The following GGA1 variants were observed in gnomAD, a reference collection of about 807,000 sequenced individuals.
GGA1 encodes the protein ADP-ribosylation factor-binding protein GGA1.
Under a neutral mutation model 76.9 loss-of-function variants are expected in GGA1, and 18 were observed. That is an observed-to-expected ratio of 0.23 (90% CI 0.16 to 0.35). The LOEUF is 0.35. Among genes scored for constraint, GGA1 ranks in the 10% least tolerant of loss-of-function variants. The pLI is 1.00. For synonymous variants in GGA1, 342 were observed against 354.7 expected, an observed-to-expected ratio of 0.96 and a Z score of 0.40; for missense variants, 755 against 859.0, an observed-to-expected ratio of 0.88 and a Z score of 1.51.
chr22:37,621,564 T>C lies in GGA1; in HGVS notation c.529-52T>C, dbSNP rs1929892548. 9 of 1,214,880 alleles carry C rather than the reference T, an allele frequency of 7.4e-6. No homozygotes were observed. In the South Asian group the frequency reaches 1.0e-4, roughly 14 times the overall value. The allele number at this position is 1,214,880 out of a possible 1,614,324, so 75.3% of individuals were successfully genotyped here. A position where few individuals can be genotyped will look rare whatever the true frequency, so the allele number is the denominator to read the frequency against. ...GAGCCATCATGTGACTCCAGTCTTC[T>C]GACCCCTGGCCCAGGTGCTGCCCTC... On this transcript the variant is annotated intron_variant, in intron 6 of 16. Transcript: ENST00000343632.
chr22:37,613,265 C>T (rs1469518405), intron 1 of GGA1: 3 of 669,886 alleles, frequency 4.5e-6, no homozygotes, highest in South Asian at 1.3e-4. Flanking sequence ...CCTGCCCATA[C>T]AGCCATGCGT....
At position 37,633,134 on chromosome 22, in the gene GGA1, G is replaced by C. The variant is rs2269547; in HGVS notation, c.*423G>C. ...CCAGCCATAACTCGGGGGCCATGCT[G>C]GAGCTGGGGACCAGCTTAGGCCTCC... On this transcript the variant is annotated 3_prime_UTR_variant, in exon 17 of 17. Coordinates refer to ENST00000343632, the MANE Select transcript of GGA1 (RefSeq NM_013365.5). 0.1 allele frequency: 17,495 copies of C among 174,720 alleles called. 1,153 individuals are homozygous for C. The highest frequency in any genetic ancestry group is 0.18 in the East Asian group (1,097 of 6,268). The allele number at this position is 174,720 out of a possible 1,614,324, so 10.8% of individuals were successfully genotyped here. A position where few individuals can be genotyped will look rare whatever the true frequency, so the allele number is the denominator to read the frequency against.
chr22:37,620,058 G>T, intron 4 of GGA1, 180 bp from the exon 5 acceptor site: 1 of 671,134 alleles, frequency 1.5e-6, no homozygotes, highest in Non-Finnish European at 2.7e-6. Context: ...CAGCTAATAA[G>T]TGGCAGGGGT....
intron 1 of GGA1, among the ~76,000 whole-genome samples, chr22:37,613,436 T>C (rs1480133067): frequency 6.6e-6 from 1 of 152,046 alleles, no homozygotes; most frequent in Non-Finnish European, 1.5e-5. Flanking sequence ...GTCCCAGCTC[T>C]GTCACCCAGG....
intron 5 of GGA1, 124 bp downstream of exon 5, chr22:37,620,485 T>C: frequency 9.7e-7 from 1 of 1,025,848 alleles, no homozygotes; most frequent in Admixed American, 2.1e-5. Context: ...CTTTAACTTC[T>C]GGAGAAAGTA....
intron 11 of GGA1, among the ~76,000 whole-genome samples, chr22:37,628,250 T>G (rs1931199604): frequency 6.6e-6 from 1 of 152,198 alleles, no homozygotes; most frequent in Non-Finnish European, 1.5e-5. Flanking sequence ...GGCTAATTTT[T>G]TTTCCTTTTA....
At chr22:37,620,972 C>T in intron 6 of GGA1, 59 bp downstream of exon 6, 4 of 1,017,246 alleles carry the variant, frequency 3.9e-6, no homozygotes, top group Non-Finnish European at 6.3e-6. Context: ...TCCGTGGGTT[C>T]TGACCTCTAG....
chr22:37,626,269 T>G, intron 11 of GGA1: 1 of 224,596 alleles, frequency 4.5e-6, no homozygotes, highest in Non-Finnish European at 8.7e-6. Flanking sequence ...AATTGAGAAC[T>G]GTCTGGGCAA....
intron 4 of GGA1, among the ~76,000 whole-genome samples, chr22:37,619,539 T>C (rs1325323546): frequency 6.6e-6 from 1 of 151,872 alleles, no homozygotes; most frequent in East Asian, 1.9e-4. Context: ...CCACCAAGCC[T>C]GGCTAATTTT....
chr22:37,628,982 T>C (rs1931316805), intron 11 of GGA1, among the ~76,000 whole-genome samples: 1 of 152,178 alleles, frequency 6.6e-6, no homozygotes, highest in South Asian at 2.1e-4. Context: ...TCGCCTCCAG[T>C]CCAGCCCTGT....
chr22:37,631,428 T>C (rs768737966), intron 14 of GGA1, among the ~76,000 whole-genome samples: 5 of 152,064 alleles, frequency 3.3e-5, no homozygotes, highest in East Asian at 1.9e-4. Context: ...AACTGAACCA[T>C]GATAAAGACC....
Position 37,618,499 on chromosome 22 carries a change from G to A in GGA1, c.256G>A (p.Gly86Ser), listed in dbSNP as rs1437059434. ...SCGKRFHDEVGKFRFLNELIK... is the reference protein window; with the variant it reads ...SCGKRFHDEVSKFRFLNELIK... ...CGGCAAGCGGTTCCACGACGAAGTG[G>A]GCAAGTTCCGCTTTCTCAACGAGCT... The change falls in exon 4 of 17, where the codon GGC becomes AGC. Residue 86 changes from glycine to serine, a missense_variant. Coordinates refer to ENST00000343632, the MANE Select transcript of GGA1 (RefSeq NM_013365.5). 6.2e-7 allele frequency: 1 copy of A among 1,613,766 alleles called. No homozygotes were observed. Among genetic ancestry groups the A allele is most frequent in the South Asian group, 1.1e-5 (1 of 91,072 alleles).
chr22:37,615,797 G>A lies in GGA1; in HGVS notation c.129-1125G>A, dbSNP rs1928664302. ...TAAAGTAAATGCACCTTCTTGGGCT[G>A]CCCCCAGACTCGACTGTCCAGTGGG... is the stretch of plus-strand genomic sequence containing the variant. On this transcript the variant is annotated intron_variant, in intron 2 of 16. Transcript: ENST00000343632. Among the ~76,000 whole-genome samples the A allele has an allele frequency of 4.6e-5, 7 of 152,160 alleles. No homozygotes were observed. The South Asian group carries it at 1.5e-3, about 32-fold the overall frequency.
intron 5 of GGA1, 104 bp downstream of exon 5, chr22:37,620,465 T>C: frequency 8.0e-7 from 1 of 1,251,030 alleles, no homozygotes; most frequent in Non-Finnish European, 1.2e-6. Flanking sequence ...AGCAAGGTCA[T>C]GGGTCTGTCC....
At chr22:37,614,128 C>CAA in intron 1 of GGA1, 62 bp from the exon 2 acceptor site, 1 of 1,120,842 alleles carries the variant, frequency 8.9e-7, no homozygotes, top group Non-Finnish European at 1.4e-6. Context: ...TTGCCAGGGT[C>CAA]AGGAGTGGAA....
intron 2 of GGA1, among the ~76,000 whole-genome samples, chr22:37,616,202 C>T (rs544294256): frequency 2.6e-4 from 40 of 152,264 alleles, no homozygotes; most frequent in Non-Finnish European, 4.7e-4. Context: ...CCACAAACAG[C>T]GGTGTGTGTG....
chr22:37,615,291 C>CA lies in GGA1; in HGVS notation c.128+1025dup, dbSNP rs576170973. Among the ~76,000 whole-genome samples, 179 of 149,088 alleles carry CA rather than the reference C, an allele frequency of 1.2e-3. 1 individual carries two copies. The highest frequency in any genetic ancestry group is 2.1e-3 in the Non-Finnish European group (139 of 67,098). On this transcript the variant is annotated intron_variant, in intron 2 of 16. Coordinates refer to ENST00000343632, the MANE Select transcript of GGA1 (RefSeq NM_013365.5). ...AGAAATCCCATCTCTACTAAAAATA[C>CA]AAAAAAAATTAGCCGGGCATGGTGG...
Position 37,618,402 on chromosome 22 carries a change from C to T in GGA1, c.205-46C>T, listed in dbSNP as rs919396963. On this transcript the variant is annotated intron_variant, in intron 3 of 16. Coordinates refer to ENST00000343632, the MANE Select transcript of GGA1 (RefSeq NM_013365.5). Reference sequence around the variant, plus strand: ...CAAGGCGTGGGAGGGAGGCCACGGCCTCTGATGCACCTGGGCGTCCCCTCC... The same window carrying T: ...CAAGGCGTGGGAGGGAGGCCACGGCTTCTGATGCACCTGGGCGTCCCCTCC... The T allele has an allele frequency of 4.1e-6, 5 of 1,216,222 alleles. No homozygotes were observed. The African/African-American group carries it at 7.4e-5, about 18-fold the overall frequency. The allele number at this position is 1,216,222 out of a possible 1,614,324, so 75.3% of individuals were successfully genotyped here. A position where few individuals can be genotyped will look rare whatever the true frequency, so the allele number is the denominator to read the frequency against.
At chr22:37,619,677 AC>A in intron 4 of GGA1, 1 of 645,504 alleles carries the variant, frequency 1.5e-6, no homozygotes. Flanking sequence ...CCTCCGGCCT[AC>A]TGTGAACATT....
Sources: allele counts gnomAD v4.1 joint callset (sites outside exome capture counted in the v4.1 genomes callset), GRCh38; gene constraint gnomAD v4.1.1; transcripts MANE v1.5; gene names NCBI Gene and HGNC (gene_info 2026-07-23, HGNC 2026-07-21).